ZPBP2: variants seen among roughly 807,000 people sequenced by gnomAD.
The protein encoded by ZPBP2 is zona pellucida-binding protein 2.
Under a neutral mutation model 37.5 loss-of-function variants are expected in ZPBP2, and 34 were observed. The observed-to-expected ratio is 0.91, with a 90% CI of 0.69 to 1.21. ZPBP2 has a LOEUF of 1.21. Ranked by LOEUF, ZPBP2 falls within the 50% of genes most tolerant of loss-of-function variation. The pLI is 0.00. For synonymous variants in ZPBP2, 143 were observed against 138.4 expected, an observed-to-expected ratio of 1.03 and a Z score of -0.23; for missense variants, 397 against 413.5, an observed-to-expected ratio of 0.96 and a Z score of 0.35.
At chr17:39,875,883 C>CCTTTTTTTTTT (rs1555647948) in intron 7 of ZPBP2, among the ~76,000 whole-genome samples, 6 of 63,780 alleles carry the variant, frequency 9.4e-5, no homozygotes, top group Non-Finnish European at 1.3e-4. Flanking sequence ...TGCTTGGCCC[C>CCTTTTTTTTTT]TTTTTTTTTT....
Position 39,876,719 on chromosome 17 carries a change from T to A in ZPBP2, c.927T>A (p.Asn309Lys). ...CSPATFSPDV[N>K]VTCQTCVSVL... The stretch of plus-strand genomic sequence containing the variant: ...CTGCGACTTTTAGTCCTGATGTTAA[T>A]GTAACTTGTCAGACCTGCGTTTCCG... The change falls in exon 8 of 8, where the codon AAT becomes AAA. Residue 309 changes from asparagine (N) to lysine (K), a missense_variant. Physicochemically the swap from Asn to Lys is moderately conservative, Grantham distance 94 (BLOSUM62 0). Coordinates refer to ENST00000348931, the MANE Select transcript of ZPBP2 (RefSeq NM_199321.3). 6.2e-7 allele frequency: 1 copy of A among 1,614,006 alleles called. No individual in the cohort carries two copies. The highest frequency in any genetic ancestry group is 2.2e-5 in the East Asian group (1 of 44,836).
chr17:39,873,381 C>T (rs1246611437), intron 6 of ZPBP2, among the ~76,000 whole-genome samples: 1 of 151,910 alleles, frequency 6.6e-6, no homozygotes, highest in Non-Finnish European at 1.5e-5. Context: ...GAATATTTAT[C>T]AATAATAAAA....
Position 39,871,606 on chromosome 17 carries a change from A to T in ZPBP2, c.387A>T (p.Arg129Ser), listed in dbSNP as rs754957830. ...ETQEEKTVKK[R>S]YDFMVFAYRE... ...AAGAAGAAAAAACAGTCAAAAAGAG[A>T]TATGACTTTATGGTCTTTGGTAAGA... The change falls in exon 4 of 8, where the codon AGA becomes AGT. Residue 129 changes from arginine (R) to serine (S), a missense_variant. Coordinates refer to ENST00000348931, the MANE Select transcript of ZPBP2 (RefSeq NM_199321.3). 1.9e-6 allele frequency: 3 copies of T among 1,580,522 alleles called. No homozygotes were observed. Among genetic ancestry groups the T allele is most frequent in the South Asian group, 1.2e-5 (1 of 83,668 alleles).
At chr17:39,872,180 A>C (rs1382203078) in intron 4 of ZPBP2, 90 bp from the exon 5 acceptor site, 3 of 919,594 alleles carry the variant, frequency 3.3e-6, no homozygotes, top group Non-Finnish European at 4.8e-6. Flanking sequence ...GATGGGATTT[A>C]GTATTACATA....
In ZPBP2 at chr17:39,875,410, C is replaced by T. The variant is rs781242629; in HGVS notation, c.865C>T (p.His289Tyr). 13 of 1,611,406 alleles carry T rather than the reference C, an allele frequency of 8.1e-6. No individual in the cohort carries two copies. The highest frequency in any genetic ancestry group is 1.1e-5 in the South Asian group (1 of 90,248). Reference protein sequence around the residue: ...RPGFGKNERLHSNCASCCVVC... With the variant: ...RPGFGKNERLYSNCASCCVVC... The stretch of plus-strand genomic sequence containing the variant: ...AGGCTTTGGAAAAAATGAACGTCTA[C>T]ACAGTAATTGCGCTAGCTGTTGTGG... The change falls in exon 7 of 8, where the codon CAC becomes TAC. Residue 289 changes from histidine to tyrosine, a missense_variant. Physicochemically the swap from His to Tyr is moderately conservative, Grantham distance 83. Coordinates refer to ENST00000348931, the MANE Select transcript of ZPBP2 (RefSeq NM_199321.3).
intron 7 of ZPBP2, among the ~76,000 whole-genome samples, chr17:39,876,293 A>G (rs936209800): frequency 6.6e-6 from 1 of 152,116 alleles, no homozygotes; most frequent in Non-Finnish European, 1.5e-5. Flanking sequence ...TATTATAAAC[A>G]TTTCTATAAT....
Position 39,875,953 on chromosome 17 carries a change from GTGTGCA to G in ZPBP2, c.889+520_889+525del, listed in dbSNP as rs2063388892. The stretch of plus-strand genomic sequence containing the variant: ...GCTCTGTTACCCAGGCTGCAGTGCA[GTGTGCA>G]GTGTGGCGCAGTCTCAGCTTATGGC... On this transcript the variant is annotated intron_variant, in intron 7 of 7. Transcript: ENST00000348931. 6.0e-5 allele frequency among the ~76,000 whole-genome samples: 3 copies of G among 50,198 alleles called. No homozygotes were observed. In the East Asian group the frequency reaches 1.2e-3, roughly 20 times the overall value. 32.9% of individuals were successfully genotyped at this position (50,198 alleles called of 152,430 possible).
chr17:39,872,404 C>G lies in ZPBP2; in HGVS notation c.541C>G (p.His181Asp). 6.2e-7 allele frequency: 1 copy of G among 1,613,364 alleles called. No homozygotes were observed. Among genetic ancestry groups the G allele is most frequent in the Middle Eastern group, 1.7e-4 (1 of 6,054 alleles). The change falls in exon 5 of 8, where the codon CAT becomes GAT. Residue 181 changes from histidine (H) to aspartate (D), a missense_variant. His to Asp is a moderately conservative substitution (Grantham distance 81, BLOSUM62 -1). Transcript: ENST00000348931. ...TAGTCTAATTTCTGATTTGTCATGC[C>G]ATGTCATAGAGCCATCATATAAATG... ...LDSLISDLSC[H>D]VIEPSYKCHS...
At chr17:39,872,983 A>T in intron 5 of ZPBP2, 61 bp from the exon 6 acceptor site, 2 of 1,491,424 alleles carry the variant, frequency 1.3e-6, no homozygotes, top group South Asian at 1.2e-5. Context: ...TTGGACCTTT[A>T]TTGAAATGTT....
At chr17:39,871,411 A>G in intron 3 of ZPBP2, 53 bp from the exon 4 acceptor site, 1 of 1,324,444 alleles carries the variant, frequency 7.6e-7, no homozygotes, top group Non-Finnish European at 1.0e-6. Flanking sequence ...CAAGTGTACT[A>G]AATAATGCTT....
Position 39,871,450 on chromosome 17 carries a change from A to G in ZPBP2, c.245-14A>G. On this transcript the variant is annotated splice_polypyrimidine_tract_variant and intron_variant, in intron 3 of 7. Transcript: ENST00000348931. The stretch of plus-strand genomic sequence containing the variant: ...ATGTTATATGTTAAATAAGTAATTT[A>G]CTATTCTGTTTAGGAAATAATAGAA... 1 of 1,519,174 alleles carries G rather than the reference A, an allele frequency of 6.6e-7. No homozygotes were observed. Among genetic ancestry groups the G allele is most frequent in the Non-Finnish European group, 8.9e-7 (1 of 1,122,814 alleles). The allele number at this position is 1,519,174 out of a possible 1,614,324, so 94.1% of individuals were successfully genotyped here.
intron 1 of ZPBP2, 24 bp from the exon 2 acceptor site, chr17:39,868,525 G>A: frequency 6.2e-7 from 1 of 1,614,130 alleles, no homozygotes; most frequent in Non-Finnish European, 8.5e-7. Context: ...CTAACTAAAA[G>A]TCAGTGTTTT....
intron 2 of ZPBP2, among the ~76,000 whole-genome samples, chr17:39,868,884 C>G (rs1217410749): frequency 1.3e-5 from 2 of 152,178 alleles, no homozygotes; most frequent in African/African-American, 4.8e-5. Flanking sequence ...TTCCAGGTGT[C>G]TCTGCTGCTT....
intron 6 of ZPBP2, among the ~76,000 whole-genome samples, chr17:39,873,671 C>A (rs550118319): frequency 6.6e-6 from 1 of 152,138 alleles, no homozygotes; most frequent in East Asian, 1.9e-4. Context: ...TCTTTGTTCC[C>A]CAAATGATGA....
intron 7 of ZPBP2, among the ~76,000 whole-genome samples, chr17:39,876,055 A>T (rs963512655): frequency 1.3e-5 from 2 of 151,276 alleles, no homozygotes; most frequent in Non-Finnish European, 2.9e-5. Flanking sequence ...CAGGTGTGCA[A>T]TCTGTAATTT....
In ZPBP2 at chr17:39,868,293, C is replaced by G; in HGVS notation, c.-62C>G. 6.3e-7 allele frequency: 1 copy of G among 1,580,242 alleles called. No individual in the cohort carries two copies. Among genetic ancestry groups the G allele is most frequent in the Admixed American group, 1.7e-5 (1 of 59,480 alleles). ...GTGGAGGAGGTGGGGAGGTGTTGGGCCAGGGCTGAGGTAGGAGGGAGTCTG... is the reference window on the plus strand; with the variant it reads ...GTGGAGGAGGTGGGGAGGTGTTGGGGCAGGGCTGAGGTAGGAGGGAGTCTG... On this transcript the variant is annotated 5_prime_UTR_variant, in exon 1 of 8. Transcript: ENST00000348931.
chr17:39,870,083 G>A (rs1345148787), intron 2 of ZPBP2, among the ~76,000 whole-genome samples: 5 of 151,956 alleles, frequency 3.3e-5, no homozygotes, highest in Admixed American at 1.3e-4. Flanking sequence ...TTGCTCTGTT[G>A]CCCAGGTGGG....
intron 3 of ZPBP2, among the ~76,000 whole-genome samples, chr17:39,871,150 A>G (rs1429905693): frequency 2.6e-5 from 4 of 152,160 alleles, no homozygotes; most frequent in African/African-American, 9.6e-5. Flanking sequence ...GAACATAAGT[A>G]TTATTAATTA....
At chr17:39,875,163 G>T in intron 6 of ZPBP2, 91 bp from the exon 7 acceptor site, 1 of 1,165,442 alleles carries the variant, frequency 8.6e-7, no homozygotes, top group Non-Finnish European at 1.2e-6. Context: ...AGTATGGCAT[G>T]CTTACAGTAC....
Sources: gnomAD v4.1 joint callset for allele counts (sites outside exome capture counted in the v4.1 genomes callset) on GRCh38, gnomAD v4.1.1 for gene constraint, MANE v1.5 for transcripts, NCBI Gene and HGNC (gene_info 2026-07-23, HGNC 2026-07-21) for gene names.